PDE6A: variants seen among roughly 807,000 people sequenced by gnomAD.
PDE6A encodes the protein rod cGMP-specific 3',5'-cyclic phosphodiesterase subunit alpha.
In PDE6A, 84 loss-of-function variants were observed where a neutral mutation model predicts 106.3. The ratio of observed to expected loss-of-function variants is 0.79; its 90% CI spans 0.66 to 0.95. The LOEUF (loss-of-function observed/expected upper bound fraction) is 0.95. PDE6A is among the 40% of genes least tolerant of loss of function. The probability of loss-of-function intolerance (pLI) is 0.00; values close to 1 mark genes in which losing one functional copy is unlikely to be tolerated. For missense variants in PDE6A, 1,052 were observed against 1,084.9 expected (o/e 0.97, Z 0.43); for synonymous variants, 394 against 386.6 (o/e 1.02, Z -0.23).
chr5:149,859,776 A>G lies in PDE6A; in HGVS notation c.*1119T>C, dbSNP rs1429067609. On this transcript the variant is annotated 3_prime_UTR_variant, in exon 22 of 22. Transcript: ENST00000255266. ...TGGGGTCTGTGCAGCCCATCAAAGCATAGATCACAGCTGGGTATTAGGCAG... is the reference window on the plus strand; with the variant it reads ...TGGGGTCTGTGCAGCCCATCAAAGCGTAGATCACAGCTGGGTATTAGGCAG... 6.6e-6 allele frequency: 1 copy of G among 152,342 alleles called. No homozygotes were observed. Among genetic ancestry groups the G allele is most frequent in the South Asian group, 2.1e-4 (1 of 4,832 alleles). 9.4% of individuals were successfully genotyped at this position (152,342 alleles called of 1,614,324 possible). A position where few individuals can be genotyped will look rare whatever the true frequency, so the allele number is the denominator to read the frequency against.
At chr5:149,875,763 A>T (rs1760717183) in intron 17 of PDE6A, among the ~76,000 whole-genome samples, 1 of 152,208 alleles carries the variant, frequency 6.6e-6, no homozygotes, top group Non-Finnish European at 1.5e-5. Flanking sequence ...TGCTAGGATT[A>T]CACATGTGGC....
intron 4 of PDE6A, among the ~76,000 whole-genome samples, chr5:149,922,364 T>G (rs1393016150): frequency 6.6e-6 from 1 of 151,998 alleles, no homozygotes; most frequent in Non-Finnish European, 1.5e-5. Context: ...CAGGCTGGAG[T>G]GCAGTGGCTC....
chr5:149,900,589 G>A (rs1561739387), intron 8 of PDE6A, among the ~76,000 whole-genome samples: 1 of 151,592 alleles, frequency 6.6e-6, no homozygotes, highest in Non-Finnish European at 1.5e-5. Context: ...GGAAGTCAAG[G>A]AAGGCTTCCT....
intron 17 of PDE6A, among the ~76,000 whole-genome samples, chr5:149,879,828 T>A (rs1353465730): frequency 6.6e-6 from 1 of 152,168 alleles, no homozygotes; most frequent in Non-Finnish European, 1.5e-5. Context: ...CCATGCTTTT[T>A]TCGTGCTCTC....
chr5:149,899,778 G>A (rs961787185), intron 8 of PDE6A, among the ~76,000 whole-genome samples: 6 of 152,210 alleles, frequency 3.9e-5, no homozygotes, highest in Admixed American at 3.9e-4. Context: ...CAGGCAGTGT[G>A]TTACAGGGAT....
intron 5 of PDE6A, among the ~76,000 whole-genome samples, chr5:149,919,494 T>A (rs1041762433): frequency 6.6e-6 from 1 of 151,818 alleles, no homozygotes; most frequent in African/African-American, 2.4e-5. Flanking sequence ...GGCAACAGAG[T>A]GACAGTCCAT....
chr5:149,936,540 C>T (rs977898922), intron 1 of PDE6A, among the ~76,000 whole-genome samples: 12 of 152,152 alleles, frequency 7.9e-5, no homozygotes, highest in African/African-American at 2.9e-4. Flanking sequence ...TTGGGCCTCA[C>T]CTGCATCCAA....
rs576748357 is a variant in PDE6A, at chr5:149,938,904, C to T, written c.475-4186G>A. ...GTGATTTCGCATTTCAACAATGCAG[C>T]AATTGCAACCATTTCTCAGGTTTTT... is the stretch of plus-strand genomic sequence containing the variant. On this transcript the variant is annotated intron_variant, in intron 1 of 21. Coordinates refer to ENST00000255266, the MANE Select transcript of PDE6A (RefSeq NM_000440.3). Among the ~76,000 whole-genome samples, 4 of 152,262 alleles carry T rather than the reference C, an allele frequency of 2.6e-5. No homozygotes were observed. In the South Asian group the frequency reaches 8.3e-4, roughly 32 times the overall value.
At chr5:149,877,788 T>C (rs1760793728) in intron 17 of PDE6A, among the ~76,000 whole-genome samples, 1 of 152,228 alleles carries the variant, frequency 6.6e-6, no homozygotes, top group Admixed American at 6.5e-5. Context: ...AACACAGGTT[T>C]GAACTATGCA....
At chr5:149,913,800 T>G (rs1753465037) in intron 6 of PDE6A, among the ~76,000 whole-genome samples, 1 of 152,192 alleles carries the variant, frequency 6.6e-6, no homozygotes, top group Non-Finnish European at 1.5e-5. Context: ...GAGAAGAAGG[T>G]AACTAGGTTT....
At chr5:149,919,748 C>T (rs1753649979) in intron 5 of PDE6A, among the ~76,000 whole-genome samples, 1 of 152,090 alleles carries the variant, frequency 6.6e-6, no homozygotes, top group South Asian at 2.1e-4. Flanking sequence ...ACACAAGGGG[C>T]TTTGAAAGAG....
rs1554091216 is a variant in PDE6A, at chr5:149,920,942, A to AAAAGAAAGAAAGAAG, written c.933+692_933+693insCTTCTTTCTTTCTTT. On this transcript the variant is annotated intron_variant, in intron 5 of 21. Coordinates refer to ENST00000255266, the MANE Select transcript of PDE6A (RefSeq NM_000440.3). ...GAAAGAAGAAAGAGAGAAAGAGAGA[A>AAAAGAAAGAAAGAAG]AAAGAAAGAAAGAAAGAAAGAAAGA... is the stretch of plus-strand genomic sequence containing the variant. Among the ~76,000 whole-genome samples, 31 of 108,350 alleles carry AAAAGAAAGAAAGAAG rather than the reference A, an allele frequency of 2.9e-4. No individual in the cohort carries two copies. The South Asian group carries it at 6.6e-3, about 23-fold the overall frequency. The allele number at this position is 108,350 out of a possible 152,430, so 71.1% of individuals were successfully genotyped here. A position where few individuals can be genotyped will look rare whatever the true frequency, so the allele number is the denominator to read the frequency against.
chr5:149,896,742 T>C lies in PDE6A; in HGVS notation c.1442A>G (p.Glu481Gly). The C allele has an allele frequency of 6.2e-7, 1 of 1,614,026 alleles. No homozygotes were observed. The highest frequency in any genetic ancestry group is 8.5e-7 in the Non-Finnish European group (1 of 1,180,014). Residue 481 changes from glutamate to glycine, a missense_variant, in exon 11 of 22, where the codon GAG becomes GGG. This residue lies in a region of PDE6A where 913 missense variants were observed against 915.2 expected (regional missense o/e 1.00). Coordinates refer to ENST00000255266, the MANE Select transcript of PDE6A (RefSeq NM_000440.3). ...TREVYGKEPW[E>G]CEEEELAEIL... ...CTCAGCCAGCTCCTCTTCCTCACAC[T>C]CCCATGGCTCCTTCCCATACACCTC...
At chr5:149,937,565 C>T (rs997308874) in intron 1 of PDE6A, among the ~76,000 whole-genome samples, 1 of 152,096 alleles carries the variant, frequency 6.6e-6, no homozygotes, top group Non-Finnish European at 1.5e-5. Flanking sequence ...TTTTGTAACA[C>T]TAGGATTTTG....
intron 1 of PDE6A, among the ~76,000 whole-genome samples, chr5:149,942,619 C>T (rs954976848): frequency 6.6e-6 from 1 of 152,022 alleles, no homozygotes; most frequent in African/African-American, 2.4e-5. Context: ...ATGGAGGACC[C>T]GTGCCAGCAC....
chr5:149,935,071 C>T (rs245071), intron 1 of PDE6A, among the ~76,000 whole-genome samples: 1,866 of 152,144 alleles, frequency 0.012, 15 homozygotes, highest in Non-Finnish European at 0.02. Flanking sequence ...AAGAGGAAGC[C>T]GGGTAAAGAC....
chr5:149,931,614 A>G (rs543889075), intron 3 of PDE6A, among the ~76,000 whole-genome samples: 2 of 152,372 alleles, frequency 1.3e-5, no homozygotes, highest in South Asian at 4.1e-4. Context: ...GCAACAGACC[A>G]TGACTTTGAA....
chr5:149,936,163 A>AAGGG (rs1754176602), intron 1 of PDE6A, among the ~76,000 whole-genome samples: 1 of 137,280 alleles, frequency 7.3e-6, no homozygotes. Context: ...CTAAAAAAGG[A>AAGGG]AGGAAGGAAG....
chr5:149,896,903 T>G, intron 10 of PDE6A, 127 bp from the exon 11 acceptor site: 1 of 1,021,934 alleles, frequency 9.8e-7, no homozygotes, highest in East Asian at 2.4e-5. Flanking sequence ...GGATTCCATT[T>G]AACATCCATT....
Sources: gnomAD v4.1 joint callset for allele counts (sites outside exome capture counted in the v4.1 genomes callset) on GRCh38, gnomAD v4.1.1 for gene constraint, gnomAD v4.1.1 regional missense constraint, MANE v1.5 for transcripts, NCBI Gene and HGNC (gene_info 2026-07-23, HGNC 2026-07-21) for gene names.